MCTP2: variants seen among roughly 807,000 people sequenced by gnomAD.
The protein encoded by MCTP2 is multiple C2 and transmembrane domain containing 2.
In MCTP2, 132 loss-of-function variants were observed where a neutral mutation model predicts 111.6. That is an observed-to-expected ratio of 1.18 (90% confidence interval 1.03 to 1.37). The LOEUF is 1.37. Among genes scored for constraint, MCTP2 ranks in the 40% most tolerant of loss-of-function variants. MCTP2 has a pLI of 0.00. For synonymous variants in MCTP2, 395 were observed against 387.7 expected, an observed-to-expected ratio of 1.02 and a Z score of -0.22; for missense variants, 1,183 against 1,067.9, an observed-to-expected ratio of 1.11 and a Z score of -1.50.
intron 2 of MCTP2, among the ~76,000 whole-genome samples, chr15:94,310,138 T>TA (rs2076059839): frequency 6.6e-6 from 1 of 152,182 alleles, no homozygotes; most frequent in Non-Finnish European, 1.5e-5. Flanking sequence ...TACTCAGCAA[T>TA]AAAAAAGAAT....
Position 94,476,787 on chromosome 15 carries a change from T to C in MCTP2, c.2562T>C (p.Val854=). 1 of 1,577,908 alleles carries C rather than the reference T, an allele frequency of 6.3e-7. No individual in the cohort carries two copies. Residue 854 remains valine (V), a synonymous_variant, in exon 22 of 23, where the codon GTT becomes GTC. Coordinates refer to ENST00000357742, the MANE Select transcript of MCTP2 (RefSeq NM_001385001.1). ...LDFLSRVPSD[V]QKVQYAELKL... is the part of the protein sequence containing the mutation. ...TCCTCTCTAGGGTACCGTCTGATGTTCAAAAGGTATGTAATGAATGGTTAC... is the reference window on the plus strand; with the variant it reads ...TCCTCTCTAGGGTACCGTCTGATGTCCAAAAGGTATGTAATGAATGGTTAC...
At chr15:94,456,822 C>G (rs755905931) in intron 19 of MCTP2, among the ~76,000 whole-genome samples, 1 of 152,148 alleles carries the variant, frequency 6.6e-6, no homozygotes, top group Non-Finnish European at 1.5e-5. Flanking sequence ...ATTCTAGCCT[C>G]TGTTCTTCCT....
intron 4 of MCTP2, among the ~76,000 whole-genome samples, chr15:94,329,134 G>A (rs983512762): frequency 4.6e-5 from 7 of 152,156 alleles, no homozygotes; most frequent in African/African-American, 1.7e-4. Context: ...CCCAATTCAA[G>A]AGGAATGGGG....
Position 94,273,941 on chromosome 15 carries a change from C to A in MCTP2, c.-65-24260C>A. 1.3e-5 allele frequency: 3 copies of A among 237,582 alleles called. No homozygotes were observed. The South Asian group carries it at 2.4e-4, about 19-fold the overall frequency. 14.7% of individuals were successfully genotyped at this position (237,582 alleles called of 1,614,324 possible). On this transcript the variant is annotated intron_variant, in intron 1 of 22. Coordinates refer to ENST00000357742, the MANE Select transcript of MCTP2 (RefSeq NM_001385001.1). ...AAAATTCTTGAATGCAAAGCCAAGTCTTGACAAGTTGGAAAAGAGACAGGC... is the reference window on the plus strand; with the variant it reads ...AAAATTCTTGAATGCAAAGCCAAGTATTGACAAGTTGGAAAAGAGACAGGC...
At chr15:94,275,897 G>C (rs1472834070) in intron 1 of MCTP2, among the ~76,000 whole-genome samples, 1 of 149,516 alleles carries the variant, frequency 6.7e-6, no homozygotes, top group African/African-American at 2.5e-5. Context: ...TCCCAGGCTG[G>C]AGTGTAGTGG....
At chr15:94,390,738 T>C (rs991563677) in intron 14 of MCTP2, among the ~76,000 whole-genome samples, 10 of 146,536 alleles carry the variant, frequency 6.8e-5, no homozygotes, top group Non-Finnish European at 7.5e-5. Context: ...TTTTTTTTTT[T>C]TTTTTTTTTG....
intron 12 of MCTP2, among the ~76,000 whole-genome samples, chr15:94,371,287 C>G (rs1274328269): frequency 1.3e-5 from 2 of 152,038 alleles, no homozygotes; most frequent in East Asian, 3.9e-4. Context: ...GATGATTGCT[C>G]TTAATATTCA....
intron 14 of MCTP2, among the ~76,000 whole-genome samples, chr15:94,394,792 A>G (rs142850888): frequency 1.8e-3 from 279 of 152,256 alleles, no homozygotes; most frequent in African/African-American, 6.5e-3. Context: ...AGTTATATTA[A>G]CATTGTGTTT....
chr15:94,254,540 A>C (rs1485415340), intron 1 of MCTP2, among the ~76,000 whole-genome samples: 3 of 152,228 alleles, frequency 2.0e-5, no homozygotes, highest in African/African-American at 7.2e-5. Context: ...AGTCACTGCC[A>C]AACAAAGGGC....
chr15:94,404,693 T>TGCCTGTAGACCTGTTA (rs1313082175), intron 17 of MCTP2, among the ~76,000 whole-genome samples: 1 of 149,154 alleles, frequency 6.7e-6, no homozygotes, highest in Non-Finnish European at 1.5e-5. Context: ...TTATGTACCT[T>TGCCTGTAGACCTGTTA]GCCTGTAGAC....
intron 1 of MCTP2, among the ~76,000 whole-genome samples, chr15:94,291,720 T>C (rs1396036706): frequency 2.0e-5 from 3 of 152,206 alleles, no homozygotes; most frequent in Non-Finnish European, 4.4e-5. Context: ...AAAATGACAT[T>C]TCACATCTTG....
At chr15:94,407,186 A>T (rs1233988079) in intron 17 of MCTP2, among the ~76,000 whole-genome samples, 2 of 152,152 alleles carry the variant, frequency 1.3e-5, no homozygotes, top group South Asian at 4.1e-4. Context: ...TCCTAAAGTT[A>T]TATTATTATA....
intron 1 of MCTP2, among the ~76,000 whole-genome samples, chr15:94,246,788 G>A (rs150078772): frequency 1.9e-4 from 29 of 152,278 alleles, no homozygotes; most frequent in East Asian, 1.7e-3. Context: ...ACTTCATTGC[G>A]CTGACACTGG....
At chr15:94,274,523 A>G (rs978143895) in intron 1 of MCTP2, among the ~76,000 whole-genome samples, 3 of 152,154 alleles carry the variant, frequency 2.0e-5, no homozygotes, top group Non-Finnish European at 4.4e-5. Context: ...CAATATGAGC[A>G]ATAAAAAGGG....
chr15:94,415,936 A>T (rs2082357083), intron 17 of MCTP2, among the ~76,000 whole-genome samples: 2 of 152,158 alleles, frequency 1.3e-5, no homozygotes, highest in South Asian at 4.1e-4. Context: ...AGGTTTTACT[A>T]GTTCTTTCCC....
intron 4 of MCTP2, among the ~76,000 whole-genome samples, chr15:94,324,179 G>A (rs774518792): frequency 6.6e-6 from 1 of 152,190 alleles, no homozygotes; most frequent in Non-Finnish European, 1.5e-5. Context: ...GTGTTCTGGC[G>A]TCTTAGAGCT....
At chr15:94,357,565 G>GT (rs199906429) in intron 9 of MCTP2, among the ~76,000 whole-genome samples, 8,183 of 143,016 alleles carry the variant, frequency 0.057, 248 homozygotes, top group African/African-American at 0.074. Context: ...TTTTGTTTTT[G>GT]TTTTTTTCCC....
At chr15:94,315,489 C>G in intron 3 of MCTP2, 40 bp from the exon 4 acceptor site, 1 of 1,434,800 alleles carries the variant, frequency 7.0e-7, no homozygotes, top group East Asian at 2.3e-5. Context: ...TTGCTTGGGC[C>G]CAAGACATAC....
intron 7 of MCTP2, among the ~76,000 whole-genome samples, chr15:94,344,349 A>G (rs1004335292): frequency 6.6e-6 from 1 of 152,190 alleles, no homozygotes; most frequent in Non-Finnish European, 1.5e-5. Flanking sequence ...AAAATAGTAA[A>G]TGTGGTCTGC....
Sources: gnomAD v4.1 joint callset for allele counts (sites outside exome capture counted in the v4.1 genomes callset) on GRCh38, gnomAD v4.1.1 for gene constraint, MANE v1.5 for transcripts, NCBI Gene and HGNC (gene_info 2026-07-23, HGNC 2026-07-21) for gene names.